Variants in OCA2 observed in about 807,000 individuals in gnomAD.
The protein encoded by OCA2 is OCA2 melanosomal transmembrane protein, also known as P protein.
A neutral mutation model predicts 100.2 loss-of-function variants in OCA2; 77 were observed. That is an observed-to-expected ratio of 0.77 (90% CI 0.64 to 0.93). The LOEUF (loss-of-function observed/expected upper bound fraction) is 0.93, where lower values mean the gene tolerates loss of function less well. Among genes scored for constraint, OCA2 ranks in the 40% least tolerant of loss-of-function variants. OCA2 has a pLI of 0.00. For missense variants in OCA2, 1,062 were observed against 1,089.1 expected, an observed-to-expected ratio of 0.98 and a Z score of 0.35; for synonymous variants, 432 against 439.2, an observed-to-expected ratio of 0.98 and a Z score of 0.21.
intron 23 of OCA2, among the ~76,000 whole-genome samples, chr15:27,801,373 G>A (rs1032947494): frequency 6.6e-6 from 1 of 152,022 alleles, no homozygotes; most frequent in Non-Finnish European, 1.5e-5. Flanking sequence ...CCAACATGGT[G>A]AAACCCCATC....
intron 2 of OCA2, among the ~76,000 whole-genome samples, chr15:28,079,429 G>A (rs1279287610): frequency 6.6e-6 from 1 of 152,120 alleles, no homozygotes; most frequent in Non-Finnish European, 1.5e-5. Flanking sequence ...AGGCGACATG[G>A]CCACACACCT....
intron 2 of OCA2, among the ~76,000 whole-genome samples, chr15:28,058,400 C>G (rs1248284447): frequency 6.6e-6 from 1 of 152,224 alleles, no homozygotes; most frequent in Non-Finnish European, 1.5e-5. Context: ...TGAGCGCTCC[C>G]TCTTTCATCT....
At chr15:27,770,850 CTTCCT>C (rs2031720730) in intron 23 of OCA2, among the ~76,000 whole-genome samples, 1 of 101,470 alleles carries the variant, frequency 9.9e-6, no homozygotes, top group African/African-American at 6.0e-5. Flanking sequence ...CTTTTCCTTC[CTTCCT>C]TTCTTCCTTC....
intron 23 of OCA2, among the ~76,000 whole-genome samples, chr15:27,811,603 A>G (rs1449686177): frequency 6.6e-6 from 1 of 152,220 alleles, no homozygotes; most frequent in East Asian, 1.9e-4. Flanking sequence ...TTTGTAAGTC[A>G]ATCAAGAAAA....
chr15:27,954,994 C>T (rs908094642), intron 17 of OCA2, among the ~76,000 whole-genome samples, 164 bp downstream of exon 17: 3 of 152,252 alleles, frequency 2.0e-5, no homozygotes, highest in Non-Finnish European at 2.9e-5. Flanking sequence ...ATCCAGAAAA[C>T]ATTTTTCCCC....
At chr15:27,921,373 A>G (rs898362328) in intron 19 of OCA2, among the ~76,000 whole-genome samples, 11 of 144,386 alleles carry the variant, frequency 7.6e-5, no homozygotes, top group South Asian at 4.2e-4. Flanking sequence ...TTTTAAAAAG[A>G]CAAAATAAAG....
At chr15:28,060,425 C>G (rs1471487432) in intron 2 of OCA2, among the ~76,000 whole-genome samples, 6 of 152,204 alleles carry the variant, frequency 3.9e-5, no homozygotes, top group African/African-American at 9.7e-5. Flanking sequence ...TAAGCCAAAC[C>G]TAATCTTCTT....
At chr15:27,961,951 GAAATA>G (rs1003017976) in intron 15 of OCA2, among the ~76,000 whole-genome samples, 7 of 151,218 alleles carry the variant, frequency 4.6e-5, no homozygotes, top group Non-Finnish European at 7.4e-5. Flanking sequence ...GTGTAATTGA[GAAATA>G]AAATAAAATA....
At chr15:28,073,893 G>A (rs906534223) in intron 2 of OCA2, among the ~76,000 whole-genome samples, 13 of 152,084 alleles carry the variant, frequency 8.5e-5, no homozygotes, top group Non-Finnish European at 1.6e-4. Context: ...TGTAACTTAA[G>A]GGTTGTGTGA....
At chr15:27,974,749 T>C (rs759694098) in intron 14 of OCA2, among the ~76,000 whole-genome samples, 1 of 152,076 alleles carries the variant, frequency 6.6e-6, no homozygotes, top group Non-Finnish European at 1.5e-5. Context: ...GCCTGGGCAA[T>C]AGGGTGAGAC....
intron 21 of OCA2, among the ~76,000 whole-genome samples, chr15:27,853,688 C>G (rs2035847818): frequency 6.6e-6 from 1 of 151,980 alleles, no homozygotes; most frequent in South Asian, 2.1e-4. Context: ...CCGGGAGGCT[C>G]CGGAGAATGG....
rs7495502 is a variant in OCA2 at position 27,972,858 on chromosome 15, A to C, written c.1504-6036T>G. ...ATTTTATTTTATTTTATTTTATTTT[A>C]TTTTATTTTATTTTATTTTATTTTT... On this transcript the variant is annotated intron_variant, in intron 14 of 23. Coordinates refer to ENST00000354638, the MANE Select transcript of OCA2 (RefSeq NM_000275.3). Among the ~76,000 whole-genome samples, 329 of 43,154 alleles carry C rather than the reference A, an allele frequency of 7.6e-3. 10 individuals carry two copies. The highest frequency in any genetic ancestry group is 0.014 in the African/African-American group (319 of 22,706). 28.3% of individuals were successfully genotyped at this position (43,154 alleles called of 152,430 possible).
At chr15:27,828,561 G>T (rs1054228344) in intron 23 of OCA2, among the ~76,000 whole-genome samples, 3 of 152,172 alleles carry the variant, frequency 2.0e-5, no homozygotes, top group African/African-American at 7.2e-5. Context: ...GCTGTTCTTT[G>T]TAAGTTCTTG....
the OCA2 span, among the ~76,000 whole-genome samples, chr15:27,721,808 CT>C: frequency 2.6e-5 from 4 of 152,068 alleles, no homozygotes; most frequent in Non-Finnish European, 5.9e-5. Context: ...GCCATAGAAT[CT>C]TTTTTGTTTT....
chr15:27,989,333 C>T (rs1019690949), intron 11 of OCA2, among the ~76,000 whole-genome samples: 14 of 151,906 alleles, frequency 9.2e-5, no homozygotes, highest in Admixed American at 2.0e-4. Context: ...TTTATTTTAA[C>T]GGAAATAACT....
intron 23 of OCA2, among the ~76,000 whole-genome samples, chr15:27,808,097 A>G (rs1386596066): frequency 1.3e-5 from 2 of 152,260 alleles, no homozygotes; most frequent in African/African-American, 4.8e-5. Flanking sequence ...CCCAGAGGGC[A>G]TCCCAGTCTC....
chr15:27,900,841 C>T (rs2037900104), intron 19 of OCA2, among the ~76,000 whole-genome samples: 1 of 152,192 alleles, frequency 6.6e-6, no homozygotes, highest in South Asian at 2.1e-4. Flanking sequence ...CGAGTACAGA[C>T]ACAACACCAA....
chr15:28,014,810 A>T lies in OCA2; in HGVS notation c.1010T>A (p.Ile337Asn). 1 of 1,613,960 alleles carries T rather than the reference A, an allele frequency of 6.2e-7. No individual in the cohort carries two copies. The highest frequency in any genetic ancestry group is 8.5e-7 in the Non-Finnish European group (1 of 1,180,018). The change falls in exon 9 of 24, where the codon ATC becomes AAC. Residue 337 changes from isoleucine to asparagine, a missense_variant. Coordinates refer to ENST00000354638, the MANE Select transcript of OCA2 (RefSeq NM_000275.3). ...VETQVTIATA[I>N]LAGVYALIIF... is the part of the protein sequence containing the mutation. The stretch of plus-strand genomic sequence containing the variant: ...GATCAGCGCGTAGACGCCCGCGAGG[A>T]TGGCCGTCGCGATGGTCACCTGGGT...
At chr15:28,023,428 A>T (rs1164055247) in intron 5 of OCA2, among the ~76,000 whole-genome samples, 1 of 152,096 alleles carries the variant, frequency 6.6e-6, no homozygotes, top group Non-Finnish European at 1.5e-5. Context: ...CTGAGAGCGG[A>T]CCCAGGGCCA....
Sources: allele counts gnomAD v4.1 joint callset (sites outside exome capture counted in the v4.1 genomes callset), GRCh38; gene constraint gnomAD v4.1.1; transcripts MANE v1.5; gene names NCBI Gene and HGNC (gene_info 2026-07-23, HGNC 2026-07-21).